Variants in FBXO34 observed in about 807,000 individuals in gnomAD.
FBXO34 encodes F-box only protein 34.
FBXO34 carries 12 observed loss-of-function variants against 24.5 expected under a neutral mutation model. That is an observed-to-expected ratio of 0.49 (90% CI 0.31 to 0.79). FBXO34 has a LOEUF of 0.79. FBXO34 is among the 30% of genes least tolerant of loss of function. The pLI is 0.04. For synonymous variants in FBXO34, 320 were observed against 311.9 expected, an observed-to-expected ratio of 1.03 and a Z score of -0.27; for missense variants, 823 against 857.7, an observed-to-expected ratio of 0.96 and a Z score of 0.51.
At chr14:55,434,779 A>G in the FBXO34 span, among the ~76,000 whole-genome samples, 9 of 152,334 alleles carry the variant, frequency 5.9e-5, no homozygotes, top group East Asian at 1.5e-3. Flanking sequence ...CAGCAACAAT[A>G]CTAGGGCAAC....
the FBXO34 span, among the ~76,000 whole-genome samples, chr14:55,393,106 G>A: frequency 6.6e-6 from 1 of 152,154 alleles, no homozygotes; most frequent in Non-Finnish European, 1.5e-5. Context: ...ATATGACTGG[G>A]CGCGGTGGCT....
intron 1 of FBXO34, among the ~76,000 whole-genome samples, chr14:55,336,868 GCACACACA>G (rs3051328): frequency 1.4e-5 from 2 of 144,206 alleles, no homozygotes; most frequent in African/African-American, 5.1e-5. Context: ...ATACATGCAC[GCACACACA>G]CACACACACA....
At chr14:55,435,866 T>G in the FBXO34 span, 1 of 1,568,854 alleles carries the variant, frequency 6.4e-7, no homozygotes, top group East Asian at 2.4e-5. Context: ...ATATTCTGCA[T>G]TTTTTGCATG....
At chr14:55,342,760 A>G (rs1397392570) in intron 1 of FBXO34, among the ~76,000 whole-genome samples, 2 of 152,226 alleles carry the variant, frequency 1.3e-5, no homozygotes, top group Admixed American at 1.3e-4. Flanking sequence ...AATGCATCAC[A>G]GCTCTGTGTA....
chr14:55,360,955 G>A (rs1884585874), intron 3 of FBXO34, among the ~76,000 whole-genome samples: 1 of 151,740 alleles, frequency 6.6e-6, no homozygotes, highest in Admixed American at 6.6e-5. Flanking sequence ...CCGAGATCAC[G>A]CCACTGTACT....
intron 1 of FBXO34, among the ~76,000 whole-genome samples, chr14:55,281,812 A>G (rs1039242668): frequency 6.6e-6 from 1 of 152,138 alleles, no homozygotes; most frequent in African/African-American, 2.4e-5. Context: ...ACGTGTAATG[A>G]GCCTTATCTC....
At chr14:55,284,760 C>T (rs940246069) in intron 1 of FBXO34, among the ~76,000 whole-genome samples, 3 of 149,346 alleles carry the variant, frequency 2.0e-5, no homozygotes, top group Non-Finnish European at 4.5e-5. Flanking sequence ...GGACTACAGG[C>T]ATGTGCCACC....
chr14:55,278,727 G>A (rs917999788), intron 1 of FBXO34, among the ~76,000 whole-genome samples: 3 of 152,172 alleles, frequency 2.0e-5, no homozygotes, highest in African/African-American at 7.2e-5. Context: ...TTGATCTGTT[G>A]CCTAGGCTGG....
At chr14:55,430,427 AT>A in the FBXO34 span, among the ~76,000 whole-genome samples, 1 of 137,916 alleles carries the variant, frequency 7.3e-6, no homozygotes, top group African/African-American at 2.7e-5. Flanking sequence ...AAAAAAAGAG[AT>A]TGGGTTTTTG....
chr14:55,319,027 T>C (rs996664593), intron 1 of FBXO34, among the ~76,000 whole-genome samples: 9 of 152,162 alleles, frequency 5.9e-5, no homozygotes, highest in African/African-American at 2.2e-4. Flanking sequence ...GATGGTTTTG[T>C]TGTTGATGGC....
Position 55,277,487 on chromosome 14 carries a change from CT to C in FBXO34, c.-11+5960del, listed in dbSNP as rs370038388. Among the ~76,000 whole-genome samples, 93 of 148,064 alleles carry C rather than the reference CT, an allele frequency of 6.3e-4. 1 individual carries two copies. Among genetic ancestry groups the C allele is most frequent in the African/African-American group, 1.9e-3 (75 of 40,368 alleles). On this transcript the variant is annotated intron_variant, in intron 1 of 1. Transcript: ENST00000313833. ...AGGTGTGTGCCACCATGCCTGGCTG[CT>C]TTTTTTTTTATTATTATTTTTTAAA...
the FBXO34 span, chr14:55,414,128 A>G: frequency 2.5e-5 from 14 of 554,836 alleles, no homozygotes; most frequent in Non-Finnish European, 4.4e-5. Context: ...TGATGCTACA[A>G]TATCATTCTA....
At chr14:55,373,288 G>A (rs1884857241), downstream of FBXO34, among the ~76,000 whole-genome samples, 2 of 151,964 alleles carry the variant, frequency 1.3e-5, no homozygotes, top group Admixed American at 6.6e-5. Context: ...ACCAATTAAG[G>A]CAACAAAAGG....
chr14:55,286,650 C>A (rs998913268), intron 1 of FBXO34, among the ~76,000 whole-genome samples: 2 of 151,994 alleles, frequency 1.3e-5, no homozygotes, highest in Admixed American at 6.6e-5. Flanking sequence ...GATTGTAAGC[C>A]CCTAACGAAA....
the FBXO34 span, chr14:55,413,894 A>T: frequency 2.2e-6 from 1 of 455,932 alleles, no homozygotes; most frequent in South Asian, 1.7e-5. Context: ...CTGTGGTAAC[A>T]TTTGCGGAGC....
intron 1 of FBXO34, among the ~76,000 whole-genome samples, chr14:55,276,463 A>G (rs1417648458): frequency 1.3e-5 from 2 of 152,254 alleles, no homozygotes; most frequent in Non-Finnish European, 2.9e-5. Flanking sequence ...CCCCATGCCT[A>G]TTATTAACTA....
intron 1 of FBXO34, among the ~76,000 whole-genome samples, chr14:55,336,535 CCCA>C (rs1403091387): frequency 6.6e-6 from 1 of 152,120 alleles, no homozygotes; most frequent in African/African-American, 2.4e-5. Flanking sequence ...TCCACATGCT[CCCA>C]TTTGTTTAGT....
chr14:55,438,880 T>A, the FBXO34 span: 1 of 150,744 alleles, frequency 6.6e-6, no homozygotes. Context: ...GTGCTGATCA[T>A]TGTCTTTATA....
chr14:55,305,108 A>G (rs1280990531), intron 1 of FBXO34, among the ~76,000 whole-genome samples: 1 of 152,204 alleles, frequency 6.6e-6, no homozygotes, highest in East Asian at 1.9e-4. Flanking sequence ...CAACTGAAAA[A>G]GACTATTTCA....
Sources: allele counts gnomAD v4.1 joint callset (sites outside exome capture counted in the v4.1 genomes callset), GRCh38; gene constraint gnomAD v4.1.1; transcripts MANE v1.5; gene names NCBI Gene and HGNC (gene_info 2026-07-23, HGNC 2026-07-21).